The following ATXN7L1 variants were observed in gnomAD, a reference collection of about 807,000 sequenced individuals.
The protein encoded by ATXN7L1 is ataxin-7-like protein 1.
ATXN7L1 carries 15 observed loss-of-function variants against 70.8 expected under a neutral mutation model. The ratio of observed to expected loss-of-function variants is 0.21; its 90% CI spans 0.14 to 0.33. ATXN7L1 has a LOEUF of 0.33. Ranked by LOEUF, ATXN7L1 falls within the 10% of genes least tolerant of loss-of-function variation. The pLI, the probability that ATXN7L1 is intolerant of heterozygous loss-of-function variation, is 1.00. For synonymous variants in ATXN7L1, 440 were observed against 445.1 expected, an observed-to-expected ratio of 0.99 and a Z score of 0.14; for missense variants, 975 against 1,097.1, an observed-to-expected ratio of 0.89 and a Z score of 1.57.
intron 7 of ATXN7L1, among the ~76,000 whole-genome samples, chr7:105,636,929 G>T (rs190799367): frequency 6.6e-6 from 1 of 152,252 alleles, no homozygotes; most frequent in African/African-American, 2.4e-5. Flanking sequence ...TTTAAAAGTC[G>T]CTGTATATAC....
At chr7:105,815,224 C>G (rs1235874352) in intron 2 of ATXN7L1, among the ~76,000 whole-genome samples, 1 of 152,176 alleles carries the variant, frequency 6.6e-6, no homozygotes, top group African/African-American at 2.4e-5. Flanking sequence ...GTACCAGGTG[C>G]AAGACCATCT....
chr7:105,706,902 T>A (rs1793246615), intron 3 of ATXN7L1, among the ~76,000 whole-genome samples: 1 of 152,256 alleles, frequency 6.6e-6, no homozygotes, highest in African/African-American at 2.4e-5. Flanking sequence ...AAATCTGCAG[T>A]GTGGCTGCTC....
chr7:105,834,266 T>A (rs1349062438), intron 2 of ATXN7L1, among the ~76,000 whole-genome samples: 5 of 152,190 alleles, frequency 3.3e-5, no homozygotes, highest in Non-Finnish European at 7.3e-5. Flanking sequence ...GGTCTTGAAC[T>A]CCTGACCTCA....
chr7:105,658,140 C>T (rs544757619), intron 4 of ATXN7L1, among the ~76,000 whole-genome samples: 5 of 151,800 alleles, frequency 3.3e-5, no homozygotes, highest in East Asian at 3.9e-4. Flanking sequence ...GAGGTCATTT[C>T]GTCATGCTAA....
chr7:105,625,580 G>A (rs146869410), intron 7 of ATXN7L1, among the ~76,000 whole-genome samples: 17 of 152,148 alleles, frequency 1.1e-4, no homozygotes, highest in South Asian at 6.2e-4. Flanking sequence ...GCCCTTTTAC[G>A]CACTGTGGGG....
chr7:105,767,631 G>C (rs1287481337), intron 3 of ATXN7L1, among the ~76,000 whole-genome samples: 1 of 152,186 alleles, frequency 6.6e-6, no homozygotes, highest in Non-Finnish European at 1.5e-5. Context: ...CAACCTCTGA[G>C]ACAGGTACTA....
chr7:105,869,925 A>C (rs551104662), intron 2 of ATXN7L1, among the ~76,000 whole-genome samples: 7 of 152,232 alleles, frequency 4.6e-5, no homozygotes, highest in Non-Finnish European at 1.0e-4. Flanking sequence ...TATACAGCCT[A>C]AGTATTATTC....
At chr7:105,700,632 G>T (rs1273874712) in intron 3 of ATXN7L1, among the ~76,000 whole-genome samples, 1 of 151,772 alleles carries the variant, frequency 6.6e-6, no homozygotes, top group Non-Finnish European at 1.5e-5. Context: ...GCCTCAGGCA[G>T]TTTGCAACGA....
intron 7 of ATXN7L1, among the ~76,000 whole-genome samples, chr7:105,631,620 C>T (rs958635383): frequency 6.6e-6 from 1 of 152,210 alleles, no homozygotes; most frequent in African/African-American, 2.4e-5. Flanking sequence ...GTGTGTGCCA[C>T]CACACCCAGC....
At chr7:105,619,856 C>T (rs1201038421) in intron 9 of ATXN7L1, among the ~76,000 whole-genome samples, 1 of 151,972 alleles carries the variant, frequency 6.6e-6, no homozygotes, top group Non-Finnish European at 1.5e-5. Flanking sequence ...TGCACTCAGC[C>T]AGAAGCATGT....
At chr7:105,777,616 A>G (rs1386340548) in intron 3 of ATXN7L1, among the ~76,000 whole-genome samples, 8 of 152,154 alleles carry the variant, frequency 5.3e-5, no homozygotes, top group Non-Finnish European at 5.9e-5. Context: ...TGTCAGCTAC[A>G]TTTCCAAAAT....
intron 2 of ATXN7L1, among the ~76,000 whole-genome samples, chr7:105,792,254 C>T (rs374476143): frequency 4.6e-5 from 7 of 152,170 alleles, no homozygotes; most frequent in East Asian, 3.9e-4. Flanking sequence ...CAACCTTGTA[C>T]GTGTCTGATC....
At chr7:105,632,764 T>TA (rs954151338) in intron 7 of ATXN7L1, among the ~76,000 whole-genome samples, 48 of 150,836 alleles carry the variant, frequency 3.2e-4, no homozygotes, top group African/African-American at 1.1e-3. Flanking sequence ...TGTAAAAAAA[T>TA]AAAAAAATTA....
At chr7:105,804,653 C>T (rs962262562) in intron 2 of ATXN7L1, among the ~76,000 whole-genome samples, 2 of 152,172 alleles carry the variant, frequency 1.3e-5, no homozygotes, top group Admixed American at 6.5e-5. Flanking sequence ...ATTGAAAAAA[C>T]ATCAATCACA....
intron 3 of ATXN7L1, chr7:105,761,171 G>T: frequency 7.8e-7 from 1 of 1,287,836 alleles, no homozygotes; most frequent in Non-Finnish European, 9.8e-7. Context: ...ATGAAGAGAA[G>T]AACCCCACAG....
At chr7:105,774,454 C>T (rs374627616) in intron 3 of ATXN7L1, among the ~76,000 whole-genome samples, 2 of 150,872 alleles carry the variant, frequency 1.3e-5, no homozygotes, top group East Asian at 3.9e-4. Flanking sequence ...CAGGTTCAAG[C>T]GATTCTACTG....
chr7:105,642,876 C>G lies in ATXN7L1; in HGVS notation c.824G>C (p.Gly275Ala). 4 of 1,551,586 alleles carry G rather than the reference C, an allele frequency of 2.6e-6. No individual in the cohort carries two copies. Among genetic ancestry groups the G allele is most frequent in the Non-Finnish European group, 3.5e-6 (4 of 1,146,964 alleles). ...GTAAGGCTTGTTGCTGTTTTTGGTGCCATTTTGGTGTTTCTTGTCTATGGT... is the reference window on the plus strand; with the variant it reads ...GTAAGGCTTGTTGCTGTTTTTGGTGGCATTTTGGTGTTTCTTGTCTATGGT... ...PTTIDKKHQN[G>A]TKNSNKPYRR... Residue 275 changes from glycine to alanine, a missense_variant, in exon 5 of 12, where the codon GGC becomes GCC. Gly to Ala is a moderately conservative substitution (Grantham distance 60). Coordinates refer to ENST00000419735, the MANE Select transcript of ATXN7L1 (RefSeq NM_020725.2).
chr7:105,733,506 C>CATCCATCCATCCATCCATT (rs1264531675), intron 3 of ATXN7L1, among the ~76,000 whole-genome samples: 1 of 103,358 alleles, frequency 9.7e-6, no homozygotes. Flanking sequence ...ATCCATCCTT[C>CATCCATCCATCCATCCATT]CATCCATCCA....
chr7:105,788,126 T>C (rs1804590978), intron 3 of ATXN7L1: 1 of 153,174 alleles, frequency 6.5e-6, no homozygotes, highest in Non-Finnish European at 1.5e-5. Context: ...GAAAGGTGAA[T>C]TGGAATGTAA....
Sources: allele counts gnomAD v4.1 joint callset (sites outside exome capture counted in the v4.1 genomes callset), GRCh38; gene constraint gnomAD v4.1.1; transcripts MANE v1.5; gene names NCBI Gene and HGNC (gene_info 2026-07-23, HGNC 2026-07-21).